The following CDH18 variants were observed in gnomAD, a reference collection of about 807,000 sequenced individuals.
CDH18 encodes cadherin 18, also known as cadherin-18.
A neutral mutation model predicts 67.9 loss-of-function variants in CDH18; 31 were observed. That is an observed-to-expected ratio of 0.46 (90% confidence interval 0.34 to 0.62). The LOEUF (loss-of-function observed/expected upper bound fraction) is 0.62. CDH18 is among the 20% of genes least tolerant of loss of function. The pLI is 0.01. For missense variants in CDH18, 890 were observed against 975.5 expected (o/e 0.91, Z 1.17); for synonymous variants, 362 against 347.2 (o/e 1.04, Z -0.48).
chr5:19,938,483 C>T (rs993127610), intron 2 of CDH18, among the ~76,000 whole-genome samples: 6 of 151,386 alleles, frequency 4.0e-5, no homozygotes, highest in African/African-American at 1.5e-4. Flanking sequence ...CATTTATAAT[C>T]TCATTTTATA....
chr5:19,964,023 T>C (rs1797179731), intron 2 of CDH18, among the ~76,000 whole-genome samples: 1 of 151,964 alleles, frequency 6.6e-6, no homozygotes, highest in Admixed American at 6.6e-5. Context: ...TCCCTCAACA[T>C]GTGGGGATTA....
intron 2 of CDH18, among the ~76,000 whole-genome samples, chr5:20,122,463 C>T (rs1688695689): frequency 6.6e-6 from 1 of 151,988 alleles, no homozygotes; most frequent in African/African-American, 2.4e-5. Flanking sequence ...AGATACGTTG[C>T]CTAAATATAG....
intron 1 of CDH18, among the ~76,000 whole-genome samples, chr5:20,545,768 G>A (rs750795208): frequency 5.3e-5 from 8 of 152,126 alleles, no homozygotes; most frequent in African/African-American, 9.6e-5. Flanking sequence ...ATTCCCCATT[G>A]TCTTGGCTAT....
intron 1 of CDH18, among the ~76,000 whole-genome samples, chr5:20,493,237 T>A (rs924069902): frequency 7.3e-5 from 11 of 151,512 alleles, no homozygotes; most frequent in African/African-American, 2.7e-4. Context: ...TAGTTCCAGC[T>A]ACTCAGGAGG....
At chr5:19,575,830 T>C (rs1742224132) in intron 7 of CDH18, among the ~76,000 whole-genome samples, 1 of 152,104 alleles carries the variant, frequency 6.6e-6, no homozygotes, top group Non-Finnish European at 1.5e-5. Context: ...CTCACTTTTT[T>C]CAGTTTTTGT....
intron 2 of CDH18, among the ~76,000 whole-genome samples, chr5:20,002,047 G>T (rs1348752472): frequency 1.3e-5 from 2 of 152,110 alleles, no homozygotes; most frequent in Non-Finnish European, 2.9e-5. Flanking sequence ...CATATGTTCT[G>T]CTCATTGTTA....
chr5:20,019,204 T>C (rs961249352), intron 2 of CDH18, among the ~76,000 whole-genome samples: 11 of 152,200 alleles, frequency 7.2e-5, no homozygotes, highest in East Asian at 3.8e-4. Flanking sequence ...GTAGTACTTA[T>C]AGTGAGACAA....
At chr5:20,436,628 GTA>G (rs371166123) in intron 1 of CDH18, among the ~76,000 whole-genome samples, 52 of 149,690 alleles carry the variant, frequency 3.5e-4, no homozygotes, top group African/African-American at 1.2e-3. Flanking sequence ...GTATATATGT[GTA>G]TATATATATA....
chr5:20,198,648 C>G (rs898743356), intron 2 of CDH18, among the ~76,000 whole-genome samples: 11 of 152,076 alleles, frequency 7.2e-5, no homozygotes, highest in Admixed American at 2.6e-4. Flanking sequence ...GCATAAATAA[C>G]AAGGAGCCAT....
chr5:19,535,179 T>G (rs768861507), intron 9 of CDH18, among the ~76,000 whole-genome samples: 1 of 152,212 alleles, frequency 6.6e-6, no homozygotes, highest in African/African-American at 2.4e-5. Flanking sequence ...TGTTACTACA[T>G]TATGAAGTAA....
intron 2 of CDH18, among the ~76,000 whole-genome samples, chr5:20,029,065 T>C (rs1408031912): frequency 1.3e-5 from 2 of 152,176 alleles, no homozygotes; most frequent in Non-Finnish European, 2.9e-5. Flanking sequence ...CAGACATTTT[T>C]TGTATGACAG....
At chr5:20,034,789 T>G (rs1265723964) in intron 2 of CDH18, among the ~76,000 whole-genome samples, 1 of 152,006 alleles carries the variant, frequency 6.6e-6, no homozygotes, top group Non-Finnish European at 1.5e-5. Flanking sequence ...AATAGATCTC[T>G]CTCTTTCTCT....
intron 5 of CDH18, among the ~76,000 whole-genome samples, chr5:19,663,820 A>G (rs1757524420): frequency 6.6e-6 from 1 of 151,884 alleles, no homozygotes; most frequent in South Asian, 2.1e-4. Context: ...ATATGATGGA[A>G]TTATTTCTTT....
intron 1 of CDH18, chr5:20,575,397 G>C (rs1759062089): frequency 6.6e-6 from 1 of 152,080 alleles, no homozygotes; most frequent in South Asian, 2.1e-4. Context: ...AACATGCAAA[G>C]CTATGATGTA....
At chr5:20,043,741 T>A (rs910362177) in intron 2 of CDH18, among the ~76,000 whole-genome samples, 1 of 152,232 alleles carries the variant, frequency 6.6e-6, no homozygotes, top group African/African-American at 2.4e-5. Flanking sequence ...GAAACTGGAA[T>A]GCATGTGGGA....
At chr5:19,543,358 A>G (rs888402312) in intron 9 of CDH18, among the ~76,000 whole-genome samples, 2 of 152,156 alleles carry the variant, frequency 1.3e-5, no homozygotes, top group Non-Finnish European at 2.9e-5. Flanking sequence ...TAGATCACGT[A>G]TGTTACTTGA....
intron 2 of CDH18, among the ~76,000 whole-genome samples, chr5:20,013,349 A>T (rs1394891775): frequency 2.6e-5 from 4 of 151,864 alleles, no homozygotes; most frequent in Non-Finnish European, 5.9e-5. Flanking sequence ...TTCTTAATAT[A>T]CTCTTTCTGT....
At chr5:19,679,004 A>AC (rs1759884947) in intron 5 of CDH18, among the ~76,000 whole-genome samples, 1 of 152,016 alleles carries the variant, frequency 6.6e-6, no homozygotes, top group Non-Finnish European at 1.5e-5. Flanking sequence ...GAAAAAGAAA[A>AC]CATGAGACCA....
intron 6 of CDH18, among the ~76,000 whole-genome samples, chr5:19,602,181 A>T (rs992614883): frequency 1.3e-5 from 2 of 152,142 alleles, no homozygotes; most frequent in Non-Finnish European, 2.9e-5. Context: ...AGATGACATG[A>T]TCTTATACAT....
Sources: gnomAD v4.1 joint callset for allele counts (sites outside exome capture counted in the v4.1 genomes callset) on GRCh38, gnomAD v4.1.1 for gene constraint, MANE v1.5 for transcripts, NCBI Gene and HGNC (gene_info 2026-07-23, HGNC 2026-07-21) for gene names.